TNNI3K: variants seen among roughly 807,000 people sequenced by gnomAD.
The protein encoded by TNNI3K is serine/threonine-protein kinase TNNI3K.
TNNI3K carries 140 observed loss-of-function variants against 114.5 expected under a neutral mutation model. That is an observed-to-expected ratio of 1.22 (90% CI 1.07 to 1.41). TNNI3K has a LOEUF of 1.41. TNNI3K is among the 40% of genes most tolerant of loss of function. The pLI is 0.00. For missense variants in TNNI3K, 1,125 were observed against 1,007.6 expected, an observed-to-expected ratio of 1.12 and a Z score of -1.58; for synonymous variants, 347 against 347.5, an observed-to-expected ratio of 1.00 and a Z score of 0.02.
intron 17 of TNNI3K, among the ~76,000 whole-genome samples, chr1:74,397,556 A>T (rs1250024679): frequency 6.6e-6 from 1 of 152,226 alleles, no homozygotes; most frequent in African/African-American, 2.4e-5. Context: ...TTATAAAAAG[A>T]TAATTTGTCT....
chr1:74,479,187 C>A (rs897474790), intron 21 of TNNI3K, among the ~76,000 whole-genome samples: 1 of 152,098 alleles, frequency 6.6e-6, no homozygotes, highest in Non-Finnish European at 1.5e-5. Context: ...ACCATGGTTA[C>A]CCACAGGTGC....
chr1:74,417,682 T>TTGTGTGTGTG (rs10529693), intron 17 of TNNI3K, among the ~76,000 whole-genome samples: 2 of 137,022 alleles, frequency 1.5e-5, no homozygotes, highest in Non-Finnish European at 3.2e-5. Flanking sequence ...GTGTACGTGT[T>TTGTGTGTGTG]TGTGTGTGTG....
chr1:74,432,063 T>C (rs1665925121), intron 17 of TNNI3K, among the ~76,000 whole-genome samples: 1 of 151,768 alleles, frequency 6.6e-6, no homozygotes, highest in Non-Finnish European at 1.5e-5. Flanking sequence ...TGCAAGTCTG[T>C]GTATGTGTGT....
chr1:74,252,924 G>C (rs1352612776), intron 4 of TNNI3K, among the ~76,000 whole-genome samples: 1 of 152,160 alleles, frequency 6.6e-6, no homozygotes, highest in Admixed American at 6.5e-5. Flanking sequence ...CAGGCAGCCT[G>C]CTTTTATTCT....
At chr1:74,301,810 C>T (rs1034059359) in intron 5 of TNNI3K, among the ~76,000 whole-genome samples, 1 of 152,132 alleles carries the variant, frequency 6.6e-6, no homozygotes, top group Non-Finnish European at 1.5e-5. Context: ...CTTTTCCATG[C>T]TATTTCTCCT....
chr1:74,472,160 C>T (rs202033155), intron 21 of TNNI3K: 6 of 716,860 alleles, frequency 8.4e-6, no homozygotes, highest in South Asian at 1.5e-5. Context: ...AAGGCTGAAG[C>T]GGGTGTTGCA....
chr1:74,304,300 A>G (rs948797705), intron 5 of TNNI3K, among the ~76,000 whole-genome samples: 2 of 152,216 alleles, frequency 1.3e-5, no homozygotes, highest in African/African-American at 4.8e-5. Context: ...AGAAGTTTCC[A>G]AAGCCATTCC....
intron 11 of TNNI3K, 63 bp from the exon 12 acceptor site, chr1:74,367,191 TGA>T: frequency 6.4e-7 from 1 of 1,550,554 alleles, no homozygotes; most frequent in Non-Finnish European, 8.8e-7. Flanking sequence ...TTTTTGGATT[TGA>T]GAGTAGACTG....
rs970995965 is a variant in TNNI3K, at chr1:74,470,420, T to A, written c.2121+6870T>A. 1.2e-5 allele frequency: 5 copies of A among 400,614 alleles called. No homozygotes were observed. The East Asian group carries it at 1.8e-4, about 14-fold the overall frequency. The allele number at this position is 400,614 out of a possible 1,614,324, so 24.8% of individuals were successfully genotyped here. A position where few individuals can be genotyped will look rare whatever the true frequency, so the allele number is the denominator to read the frequency against. ...ATCTCTAGTGCTTCAGTGCCGTCAT[T>A]TCTGGGCAATGCATTTGTGCTGTCA... On this transcript the variant is annotated intron_variant, in intron 21 of 24. Coordinates refer to ENST00000326637, the MANE Select transcript of TNNI3K (RefSeq NM_015978.3).
At chr1:74,540,717 A>T (rs1384212813) in intron 24 of TNNI3K, among the ~76,000 whole-genome samples, 2 of 152,046 alleles carry the variant, frequency 1.3e-5, no homozygotes, top group African/African-American at 4.8e-5. Flanking sequence ...TAGGGAGAGG[A>T]AAAACAAGAG....
At chr1:74,363,187 A>G (rs77053854) in intron 11 of TNNI3K, among the ~76,000 whole-genome samples, 296 of 152,140 alleles carry the variant, frequency 1.9e-3, no homozygotes, top group African/African-American at 6.6e-3. Flanking sequence ...TTTTCTGCCT[A>G]ACTCCTTGTG....
chr1:74,365,463 G>A (rs1430801151), intron 11 of TNNI3K, among the ~76,000 whole-genome samples: 1 of 151,922 alleles, frequency 6.6e-6, no homozygotes, highest in East Asian at 1.9e-4. Flanking sequence ...CAGGGCTTGG[G>A]AATCTGTTTG....
intron 20 of TNNI3K, among the ~76,000 whole-genome samples, chr1:74,440,704 A>G (rs1666340529): frequency 6.6e-6 from 1 of 151,990 alleles, no homozygotes; most frequent in Admixed American, 6.6e-5. Flanking sequence ...TTTTCTCTAC[A>G]TATTTTCTAT....
chr1:74,253,845 G>A (rs900524154), intron 4 of TNNI3K, among the ~76,000 whole-genome samples: 6 of 152,192 alleles, frequency 3.9e-5, no homozygotes, highest in Non-Finnish European at 7.4e-5. Context: ...CAGAGTGGGC[G>A]CCAAGGCCGA....
chr1:74,397,605 T>C (rs550383492), intron 17 of TNNI3K, among the ~76,000 whole-genome samples: 1 of 152,320 alleles, frequency 6.6e-6, no homozygotes, highest in East Asian at 1.9e-4. Flanking sequence ...CAGTTTCTTA[T>C]GAAAAGGAGA....
intron 9 of TNNI3K, among the ~76,000 whole-genome samples, chr1:74,350,349 C>G (rs1259311652): frequency 6.6e-6 from 1 of 152,162 alleles, no homozygotes; most frequent in African/African-American, 2.4e-5. Flanking sequence ...GTTATAATTT[C>G]TGTTCTTTTA....
chr1:74,495,569 G>A (rs910421793), intron 23 of TNNI3K, among the ~76,000 whole-genome samples: 1 of 152,002 alleles, frequency 6.6e-6, no homozygotes, highest in African/African-American at 2.4e-5. Context: ...TGAACATCCT[G>A]GGCACTATTT....
intron 17 of TNNI3K, chr1:74,376,826 A>AT (rs1662929266): frequency 6.6e-6 from 1 of 151,874 alleles, no homozygotes; most frequent in African/African-American, 2.4e-5. Context: ...TCATTAAAAA[A>AT]AAAAATAAAA....
Position 74,463,558 on chromosome 1 carries a change from A to G in TNNI3K, c.2121+8A>G, listed in dbSNP as rs775258722. ...TGGAACGCATGTCCTGAAGTGAGTA[A>G]TTTTTATTTCCTCTTAGAAAATGTG... On this transcript the variant is annotated splice_region_variant and intron_variant, in intron 21 of 24. Transcript: ENST00000326637. 3.7e-6 allele frequency: 6 copies of G among 1,613,722 alleles called. No homozygotes were observed.
Sources: gnomAD v4.1 joint callset for allele counts (sites outside exome capture counted in the v4.1 genomes callset) on GRCh38, gnomAD v4.1.1 for gene constraint, MANE v1.5 for transcripts, NCBI Gene and HGNC (gene_info 2026-07-23, HGNC 2026-07-21) for gene names.